IGSF11: variants seen among roughly 807,000 people sequenced by gnomAD.
The protein encoded by IGSF11 is immunoglobulin superfamily member 11.
In IGSF11, 22 loss-of-function variants were observed where a neutral mutation model predicts 41.0. The observed-to-expected ratio is 0.54, with a 90% CI of 0.38 to 0.77. The LOEUF is 0.77. Ranked by LOEUF, IGSF11 falls within the 30% of genes least tolerant of loss-of-function variation. The probability of loss-of-function intolerance (pLI) is 0.00; values close to 1 mark genes in which losing one functional copy is unlikely to be tolerated. For missense variants in IGSF11, 444 were observed against 530.8 expected (o/e 0.84, Z 1.61); for synonymous variants, 219 against 201.3 (o/e 1.09, Z -0.74).
intron 1 of IGSF11, among the ~76,000 whole-genome samples, chr3:119,084,643 C>T (rs1225814383): frequency 6.6e-6 from 1 of 152,226 alleles, no homozygotes; most frequent in Non-Finnish European, 1.5e-5. Flanking sequence ...TGCAGTCTTG[C>T]CTGCCAGCCA....
At chr3:118,904,614 T>A in intron 6 of IGSF11, 34 bp downstream of exon 6, 1 of 1,505,720 alleles carries the variant, frequency 6.6e-7, no homozygotes, top group Non-Finnish European at 9.2e-7. Context: ...ACAATGGCTA[T>A]GCAGGACAAA....
chr3:119,117,387 G>T (rs9864071), intron 1 of IGSF11, among the ~76,000 whole-genome samples: 1 of 152,020 alleles, frequency 6.6e-6, no homozygotes, highest in South Asian at 2.1e-4. Context: ...AGCAACTCAC[G>T]TCTTACATGG....
At chr3:119,056,287 G>T (rs910572601) in intron 1 of IGSF11, among the ~76,000 whole-genome samples, 10 of 152,116 alleles carry the variant, frequency 6.6e-5, no homozygotes, top group Non-Finnish European at 1.5e-5. Flanking sequence ...TGATAAAGGG[G>T]ATATCACCAT....
intron 1 of IGSF11, among the ~76,000 whole-genome samples, chr3:119,126,756 C>A (rs111732818): frequency 0.014 from 2,079 of 152,218 alleles, 30 homozygotes; most frequent in Non-Finnish European, 0.02. Context: ...AAATCCCCAG[C>A]AAACTGCAGC....
At chr3:119,054,509 A>G (rs190632330) in intron 1 of IGSF11, among the ~76,000 whole-genome samples, 3 of 152,334 alleles carry the variant, frequency 2.0e-5, no homozygotes, top group African/African-American at 7.2e-5. Flanking sequence ...AAGAACGGCC[A>G]TAATTGAAAA....
intron 1 of IGSF11, among the ~76,000 whole-genome samples, chr3:118,997,534 C>G (rs1174677246): frequency 9.0e-5 from 13 of 144,532 alleles, no homozygotes; most frequent in African/African-American, 3.0e-4. Context: ...CTGCCCCCCC[C>G]CAGCCACACC....
In IGSF11 at chr3:118,920,257, T is replaced by TAA. The variant is rs553278031; in HGVS notation, c.580+5842_580+5843dup. Among the ~76,000 whole-genome samples the TAA allele has an allele frequency of 1.2e-4, 17 of 137,342 alleles. 1 individual carries two copies. Among genetic ancestry groups the TAA allele is most frequent in the East Asian group, 2.1e-4 (1 of 4,842 alleles). 90.1% of individuals were successfully genotyped at this position (137,342 alleles called of 152,430 possible). A position where few individuals can be genotyped will look rare whatever the true frequency, so the allele number is the denominator to read the frequency against. ...CACATGTACCCTAAAACTTAAAGTA[T>TAA]AAAAAAAAAAACAATAATGTGTCAG... is the stretch of plus-strand genomic sequence containing the variant. On this transcript the variant is annotated intron_variant, in intron 4 of 6. Coordinates refer to ENST00000393775, the MANE Select transcript of IGSF11 (RefSeq NM_001015887.3).
chr3:118,941,647 CT>C (rs1943710112), intron 1 of IGSF11, among the ~76,000 whole-genome samples: 1 of 152,106 alleles, frequency 6.6e-6, no homozygotes, highest in Admixed American at 6.6e-5. Flanking sequence ...AGATACAGAT[CT>C]ACAGAAAAAC....
upstream of IGSF11, among the ~76,000 whole-genome samples, chr3:119,109,299 CT>C (rs1161844173): frequency 6.6e-6 from 1 of 151,198 alleles, no homozygotes; most frequent in African/African-American, 2.4e-5. Flanking sequence ...GATTCAACTT[CT>C]TCCTGGTTTA....
At chr3:119,031,214 G>A (rs1242283458) in intron 1 of IGSF11, among the ~76,000 whole-genome samples, 2 of 152,098 alleles carry the variant, frequency 1.3e-5, no homozygotes, top group African/African-American at 4.8e-5. Flanking sequence ...CCAAGATGGC[G>A]CCACTGCACT....
chr3:119,029,167 G>A (rs1940119325), intron 1 of IGSF11, among the ~76,000 whole-genome samples: 1 of 99,988 alleles, frequency 1.0e-5, no homozygotes, highest in Non-Finnish European at 1.9e-5. Context: ...TGCCTTTTGG[G>A]GATAATACAC....
chr3:119,039,869 G>T (rs565915456), intron 1 of IGSF11, among the ~76,000 whole-genome samples: 1 of 152,272 alleles, frequency 6.6e-6, no homozygotes, highest in East Asian at 1.9e-4. Flanking sequence ...CGGAGACAGT[G>T]AAAGAGATCT....
At chr3:118,985,563 A>G (rs1184432413) in intron 1 of IGSF11, among the ~76,000 whole-genome samples, 1 of 152,154 alleles carries the variant, frequency 6.6e-6, no homozygotes, top group Non-Finnish European at 1.5e-5. Flanking sequence ...AACAAATTCA[A>G]TTTGTCTGAA....
chr3:119,105,507 C>A (rs985911663), upstream of IGSF11, among the ~76,000 whole-genome samples: 2 of 152,180 alleles, frequency 1.3e-5, no homozygotes, highest in Admixed American at 1.3e-4. Context: ...ATGGCTGCAA[C>A]CATCCAGAGA....
rs201691204 is a variant in IGSF11, at chr3:119,052,685, GA to G, written c.49+52458del. Among the ~76,000 whole-genome samples the G allele has an allele frequency of 1.2e-3, 166 of 140,950 alleles. 1 individual carries two copies. Among genetic ancestry groups the G allele is most frequent in the Admixed American group, 2.6e-3 (37 of 14,054 alleles). 92.5% of individuals were successfully genotyped at this position (140,950 alleles called of 152,430 possible). ...AATACCAAAACCAGGAAAGGACACA[GA>G]AAAAAAAAAAGAAACCTACAGACCA... On this transcript the variant is annotated intron_variant, in intron 1 of 6. Transcript: ENST00000354673.
At chr3:119,114,879 C>T (rs1277668935) in intron 1 of IGSF11, among the ~76,000 whole-genome samples, 1 of 152,164 alleles carries the variant, frequency 6.6e-6, no homozygotes, top group Non-Finnish European at 1.5e-5. Context: ...GTTCCATAGG[C>T]TGTACAGGAA....
intron 4 of IGSF11, among the ~76,000 whole-genome samples, chr3:118,919,344 T>C (rs1941498778): frequency 7.9e-6 from 1 of 126,754 alleles, no homozygotes; most frequent in African/African-American, 3.4e-5. Context: ...GGGAGAAAAT[T>C]TTCACAACCT....
At chr3:119,145,842 C>T (rs954073134) in exon 1 of IGSF11, 10 of 236,656 alleles carry the variant, frequency 4.2e-5, no homozygotes, top group Admixed American at 3.6e-4. Context: ...TCACACACTG[C>T]GGAGAACCTC....
In IGSF11 at chr3:118,926,152, G is replaced by A. The variant is rs767069104; in HGVS notation, c.529C>T (p.Leu177Phe). 4 of 1,612,244 alleles carry A rather than the reference G, an allele frequency of 2.5e-6. No homozygotes were observed. Among genetic ancestry groups the A allele is most frequent in the Non-Finnish European group, 3.4e-6 (4 of 1,178,816 alleles). The change falls in exon 4 of 7, where the codon CTT (leucine) becomes TTT (phenylalanine). Residue 177 changes from leucine (L) to phenylalanine (F), a missense_variant. Leu to Phe is a conservative substitution (Grantham distance 22). This residue lies in a region of IGSF11 where 193 missense variants were observed against 283.5 expected (regional missense o/e 0.68). Coordinates refer to ENST00000393775, the MANE Select transcript of IGSF11 (RefSeq NM_001015887.3). Reference sequence around the variant, plus strand: ...AGGGTATTGTCTAACTTCTCCCAAAGGTAAGTTGGTCGAGGAATGCCTTCC... The same window carrying A: ...AGGGTATTGTCTAACTTCTCCCAAAAGTAAGTTGGTCGAGGAATGCCTTCC... ...SEEGIPRPTY[L>F]WEKLDNTLKL...
Sources: gnomAD v4.1 joint callset for allele counts (sites outside exome capture counted in the v4.1 genomes callset) on GRCh38, gnomAD v4.1.1 for gene constraint, gnomAD v4.1.1 regional missense constraint, MANE v1.5 for transcripts, NCBI Gene and HGNC (gene_info 2026-07-23, HGNC 2026-07-21) for gene names.